The following RNPC3 variants were observed in gnomAD, a reference collection of about 807,000 sequenced individuals.
RNPC3 encodes the protein RNA-binding region-containing protein 3.
In RNPC3, 48 loss-of-function variants were observed where a neutral mutation model predicts 67.5. That is an observed-to-expected ratio of 0.71 (90% CI 0.56 to 0.90). RNPC3 has a LOEUF of 0.90. Among genes scored for constraint, RNPC3 ranks in the 40% least tolerant of loss-of-function variants. RNPC3 has a pLI of 0.00. For synonymous variants in RNPC3, 239 were observed against 210.3 expected (o/e 1.14, Z -1.18); for missense variants, 637 against 626.1 (o/e 1.02, Z -0.19).
At chr1:103,534,002 TA>T (rs1650926646) in intron 3 of RNPC3, 145 bp downstream of exon 3, 1 of 592,334 alleles carries the variant, frequency 1.7e-6, no homozygotes, top group East Asian at 2.8e-5. Context: ...CCTAGTACAG[TA>T]AAACAGTATG....
chr1:103,530,138 A>C (rs1650814476), intron 2 of RNPC3, among the ~76,000 whole-genome samples: 1 of 148,428 alleles, frequency 6.7e-6, no homozygotes, highest in South Asian at 2.1e-4. Context: ...ATGTGTTCAA[A>C]AATATTAAGT....
chr1:103,547,998 C>T (rs1651287539), intron 12 of RNPC3, among the ~76,000 whole-genome samples: 1 of 152,138 alleles, frequency 6.6e-6, no homozygotes, highest in African/African-American at 2.4e-5. Context: ...TCTGAAGCCA[C>T]CACCCAAGCT....
intron 10 of RNPC3, chr1:103,545,982 A>G (rs1259906523): frequency 5.9e-6 from 1 of 170,000 alleles, no homozygotes; most frequent in Non-Finnish European, 1.2e-5. Context: ...AAAGTTTTTT[A>G]TATAATCAAT....
chr1:103,544,368 T>C (rs1394015290), intron 9 of RNPC3, among the ~76,000 whole-genome samples: 1 of 151,882 alleles, frequency 6.6e-6, no homozygotes, highest in Non-Finnish European at 1.5e-5. Flanking sequence ...AAGTTTACAA[T>C]CTAGTTAGGG....
At chr1:103,533,545 T>C (rs1319849510) in intron 2 of RNPC3, among the ~76,000 whole-genome samples, 194 bp from the exon 3 acceptor site, 2 of 151,988 alleles carry the variant, frequency 1.3e-5, no homozygotes, top group Non-Finnish European at 2.9e-5. Context: ...TAGATTTTTA[T>C]TTTCCTAAGT....
intron 8 of RNPC3, among the ~76,000 whole-genome samples, chr1:103,543,012 C>G (rs1242521728): frequency 6.6e-6 from 1 of 151,628 alleles, no homozygotes; most frequent in African/African-American, 2.4e-5. Flanking sequence ...AATCAAGAGT[C>G]ATCAAATCCC....
intron 4 of RNPC3, 78 bp downstream of exon 4, chr1:103,534,935 CTTA>C (rs924389066): frequency 2.5e-6 from 2 of 786,598 alleles, no homozygotes; most frequent in African/African-American, 3.6e-5. Flanking sequence ...CTGCTTTTTG[CTTA>C]TTATATATTG....
chr1:103,551,669 A>T, intron 13 of RNPC3, 52 bp from the exon 14 acceptor site: 2 of 1,212,242 alleles, frequency 1.6e-6, no homozygotes, highest in South Asian at 1.4e-5. Context: ...AGAATTATTT[A>T]GAAAAGATTA....
In RNPC3 at chr1:103,525,855, A is replaced by G. The variant is rs2101039324; in HGVS notation, c.-216A>G. ...CTTTCCGGAGACCCCTGGAATTTAAATCATTAGCACCGCGCCCTTCCCCGA... is the reference window on the plus strand; with the variant it reads ...CTTTCCGGAGACCCCTGGAATTTAAGTCATTAGCACCGCGCCCTTCCCCGA... On this transcript the variant is annotated 5_prime_UTR_variant, in exon 1 of 15. Coordinates refer to ENST00000423855, the MANE Select transcript of RNPC3 (RefSeq NM_017619.4). The G allele has an allele frequency of 4.1e-6, 2 of 490,854 alleles. No homozygotes were observed. The highest frequency in any genetic ancestry group is 3.8e-5 in the Admixed American group (1 of 26,518). The allele number at this position is 490,854 out of a possible 1,614,324, so 30.4% of individuals were successfully genotyped here.
At chr1:103,537,055 G>A (rs1228813530) in intron 6 of RNPC3, among the ~76,000 whole-genome samples, 1 of 152,186 alleles carries the variant, frequency 6.6e-6, no homozygotes, top group East Asian at 1.9e-4. Context: ...AGAATTGTAT[G>A]TGGGAGTTTT....
At chr1:103,539,625 C>G (rs1175587459) in intron 7 of RNPC3, among the ~76,000 whole-genome samples, 1 of 152,136 alleles carries the variant, frequency 6.6e-6, no homozygotes, top group Non-Finnish European at 1.5e-5. Context: ...AGGAATTCTG[C>G]CAGTAATTCA....
chr1:103,534,720 G>T, intron 3 of RNPC3, 54 bp from the exon 4 acceptor site: 2 of 901,398 alleles, frequency 2.2e-6, no homozygotes, highest in Non-Finnish European at 3.3e-6. Flanking sequence ...TTTTCTGTGT[G>T]CAGTTTTTCA....
At chr1:103,551,883 C>CT in intron 14 of RNPC3, 91 bp downstream of exon 14, 1 of 606,870 alleles carries the variant, frequency 1.6e-6, no homozygotes, top group Non-Finnish European at 2.7e-6. Flanking sequence ...ATTCAGGTAT[C>CT]TCTTTTTTTT....
intron 8 of RNPC3, 56 bp downstream of exon 8, chr1:103,541,531 C>T: frequency 7.1e-7 from 1 of 1,404,674 alleles, no homozygotes; most frequent in Non-Finnish European, 9.3e-7. Context: ...TGTTTACTTG[C>T]TTAATTCACA....
Position 103,535,405 on chromosome 1 carries a change from A to G in RNPC3, c.519A>G (p.Val173=). 1 of 1,535,748 alleles carries G rather than the reference A, an allele frequency of 6.5e-7. No homozygotes were observed. Among genetic ancestry groups the G allele is most frequent in the Non-Finnish European group, 8.7e-7 (1 of 1,145,780 alleles). ...CCAGCACAATCCTAGCAAACATTGT[A>G]AATGCCTTGGCAAGCGTGCCTAAGT... ...PPSSTILANI[V]NALASVPKFY... Residue 173 remains valine, a synonymous_variant, in exon 5 of 15, where the codon GTA becomes GTG. Transcript: ENST00000423855.
At chr1:103,551,835 T>G in intron 14 of RNPC3, 43 bp downstream of exon 14, 5 of 1,035,348 alleles carry the variant, frequency 4.8e-6, no homozygotes, top group Non-Finnish European at 6.9e-6. Flanking sequence ...GACTAATTCT[T>G]GAGATAAAAT....
intron 5 of RNPC3, among the ~76,000 whole-genome samples, 185 bp from the exon 6 acceptor site, chr1:103,535,941 G>A (rs981608036): frequency 2.6e-5 from 4 of 151,984 alleles, no homozygotes; most frequent in Non-Finnish European, 4.4e-5. Context: ...TGACATTTTA[G>A]GAAGGTTAAT....
intron 12 of RNPC3, among the ~76,000 whole-genome samples, chr1:103,549,005 T>A (rs1417949404): frequency 6.6e-6 from 1 of 152,150 alleles, no homozygotes; most frequent in East Asian, 1.9e-4. Context: ...ACTCATGTAC[T>A]ATCATGAGAA....
At chr1:103,542,628 A>G (rs1651148579) in intron 8 of RNPC3, among the ~76,000 whole-genome samples, 2 of 151,886 alleles carry the variant, frequency 1.3e-5, no homozygotes, top group African/African-American at 2.4e-5. Flanking sequence ...ACATTTTGTT[A>G]TAGTCCAGAA....
Sources: allele counts gnomAD v4.1 joint callset (sites outside exome capture counted in the v4.1 genomes callset), GRCh38; gene constraint gnomAD v4.1.1; transcripts MANE v1.5; gene names NCBI Gene and HGNC (gene_info 2026-07-23, HGNC 2026-07-21).